The following KRIT1 variants were observed in gnomAD, a reference collection of about 807,000 sequenced individuals.
The protein encoded by KRIT1 is KRIT1 ankyrin repeat containing, also known as krev interaction trapped protein 1.
A neutral mutation model predicts 95.8 loss-of-function variants in KRIT1; 45 were observed. That is an observed-to-expected ratio of 0.47 (90% CI 0.37 to 0.60). KRIT1 has a LOEUF of 0.60. KRIT1 is among the 20% of genes least tolerant of loss of function. KRIT1 has a pLI of 0.00. For synonymous variants in KRIT1, 282 were observed against 278.8 expected (o/e 1.01, Z -0.11); for missense variants, 788 against 877.5 (o/e 0.90, Z 1.29).
At chr7:92,225,013 C>A (rs112771816) in intron 12 of KRIT1, among the ~76,000 whole-genome samples, 1 of 151,506 alleles carries the variant, frequency 6.6e-6, no homozygotes, top group Non-Finnish European at 1.5e-5. Flanking sequence ...AAAAATTAGC[C>A]GGGCGTGGTG....
chr7:92,230,120 T>A (rs965500567), intron 10 of KRIT1, among the ~76,000 whole-genome samples: 1 of 152,178 alleles, frequency 6.6e-6, no homozygotes, highest in African/African-American at 2.4e-5. Flanking sequence ...TGCTTTAAAA[T>A]TTCCCAGCTA....
rs1789855697 is a variant in KRIT1 at position 92,200,245 on chromosome 7, G to A, written c.*491C>T. 1.9e-5 allele frequency: 3 copies of A among 158,072 alleles called. No homozygotes were observed. The highest frequency in any genetic ancestry group is 1.8e-4 in the Admixed American group (3 of 16,462). 9.8% of individuals were successfully genotyped at this position (158,072 alleles called of 1,614,324 possible). A position where few individuals can be genotyped will look rare whatever the true frequency, so the allele number is the denominator to read the frequency against. On this transcript the variant is annotated 3_prime_UTR_variant, in exon 19 of 19. Transcript: ENST00000394505. ...TCTCAAAAATTAGAATAGCTTATGAGGATATTATATAAAACTAATTGGTAT... is the reference window on the plus strand; with the variant it reads ...TCTCAAAAATTAGAATAGCTTATGAAGATATTATATAAAACTAATTGGTAT...
At position 92,222,802 on chromosome 7, in the gene KRIT1, C is replaced by T. The variant is rs368080205; in HGVS notation, c.1411+20G>A. ...AAAGGAATAATGAGGTTTACTATAA[C>T]ATAATAAAAACTTTCTTACTGAGGT... On this transcript the variant is annotated intron_variant, in intron 13 of 18. Coordinates refer to ENST00000394505, the MANE Select transcript of KRIT1 (RefSeq NM_194454.3). 1.3e-6 allele frequency: 2 copies of T among 1,483,034 alleles called. No homozygotes were observed. The highest frequency in any genetic ancestry group is 2.8e-5 in the African/African-American group (2 of 72,400). The allele number at this position is 1,483,034 out of a possible 1,614,324, so 91.9% of individuals were successfully genotyped here.
intron 14 of KRIT1, among the ~76,000 whole-genome samples, chr7:92,215,992 G>A (rs1793894047): frequency 6.6e-6 from 1 of 152,028 alleles, no homozygotes; most frequent in African/African-American, 2.4e-5. Flanking sequence ...CACTTTGGGA[G>A]GCCGAGGTGG....
intron 14 of KRIT1, among the ~76,000 whole-genome samples, chr7:92,219,356 G>A (rs1173054562): frequency 2.0e-5 from 3 of 152,114 alleles, no homozygotes; most frequent in Non-Finnish European, 2.9e-5. Flanking sequence ...CTTTTGCAAT[G>A]TGAACTTACA....
At chr7:92,216,012 G>A (rs546996154) in intron 14 of KRIT1, among the ~76,000 whole-genome samples, 4 of 151,964 alleles carry the variant, frequency 2.6e-5, no homozygotes, top group Non-Finnish European at 4.4e-5. Flanking sequence ...GGCGGATCAC[G>A]AGGCCAGGAG....
At chr7:92,205,353 A>G (rs1270661116) in intron 17 of KRIT1, among the ~76,000 whole-genome samples, 1 of 152,176 alleles carries the variant, frequency 6.6e-6, no homozygotes, top group African/African-American at 2.4e-5. Context: ...CTCAACAACA[A>G]CAACAACAAA....
At chr7:92,239,458 T>C (rs1243101927) in intron 5 of KRIT1, among the ~76,000 whole-genome samples, 1 of 152,110 alleles carries the variant, frequency 6.6e-6, no homozygotes, top group Non-Finnish European at 1.5e-5. Context: ...AATCTGGCAT[T>C]AGTAAAATAA....
chr7:92,225,624 A>T, intron 12 of KRIT1, 96 bp downstream of exon 12: 1 of 766,306 alleles, frequency 1.3e-6, no homozygotes, highest in Non-Finnish European at 2.3e-6. Flanking sequence ...TAAAGAAGCC[A>T]TCTAATCGTC....
chr7:92,216,727 G>C (rs1431195176), intron 14 of KRIT1, among the ~76,000 whole-genome samples: 2 of 152,154 alleles, frequency 1.3e-5, no homozygotes, highest in Non-Finnish European at 2.9e-5. Flanking sequence ...GGTGTAAACT[G>C]TATTACTTTT....
chr7:92,242,740 C>T (rs1024522152), intron 3 of KRIT1, among the ~76,000 whole-genome samples: 17 of 152,218 alleles, frequency 1.1e-4, no homozygotes, highest in African/African-American at 3.9e-4. Flanking sequence ...ACTATTTGGT[C>T]AGTTGATAAA....
In KRIT1 at chr7:92,245,102, T is replaced by C. The variant is rs1057394651; in HGVS notation, c.-351A>G. On this transcript the variant is annotated 5_prime_UTR_variant, in exon 2 of 19. Transcript: ENST00000394505. ...AAAATAATGAGGCTGAGATCCTGAG[T>C]TGGACCACCGAGATGAAAGACTTCT... is the stretch of plus-strand genomic sequence containing the variant. The C allele has an allele frequency of 1.7e-4, 13 of 77,362 alleles. No individual in the cohort carries two copies. Among genetic ancestry groups the C allele is most frequent in the Admixed American group, 2.5e-4 (2 of 7,992 alleles). 4.8% of individuals were successfully genotyped at this position (77,362 alleles called of 1,614,324 possible). A position where few individuals can be genotyped will look rare whatever the true frequency, so the allele number is the denominator to read the frequency against.
chr7:92,224,492 T>C (rs1795813271), intron 12 of KRIT1, among the ~76,000 whole-genome samples: 1 of 152,090 alleles, frequency 6.6e-6, no homozygotes, highest in Non-Finnish European at 1.5e-5. Context: ...AATAATTAAA[T>C]TAATAATTTT....
At position 92,233,693 on chromosome 7, in the gene KRIT1, C is replaced by A. The variant is rs532104641; in HGVS notation, c.989+756G>T. 8.5e-5 allele frequency among the ~76,000 whole-genome samples: 13 copies of A among 152,350 alleles called. No individual in the cohort carries two copies. In the East Asian group the frequency reaches 2.3e-3, roughly 27 times the overall value. On this transcript the variant is annotated intron_variant, in intron 10 of 18. Transcript: ENST00000394505. ...GTGCTGGGATTACAGGTGTGAGCCACTGCACCTGGCCGGTACCTCTTAAAT... is the reference window on the plus strand; with the variant it reads ...GTGCTGGGATTACAGGTGTGAGCCAATGCACCTGGCCGGTACCTCTTAAAT...
intron 17 of KRIT1, among the ~76,000 whole-genome samples, chr7:92,209,889 C>G (rs575653214): frequency 6.6e-6 from 1 of 152,002 alleles, no homozygotes; most frequent in South Asian, 2.1e-4. Context: ...ATAGTGAAAC[C>G]CTGTCTCTAC....
At chr7:92,235,328 T>G in intron 8 of KRIT1, 75 bp downstream of exon 8, 1 of 1,418,098 alleles carries the variant, frequency 7.1e-7, no homozygotes, top group Non-Finnish European at 9.9e-7. Flanking sequence ...AATAGATGTA[T>G]ATATCTCAGG....
At chr7:92,204,264 GAA>G (rs763023957) in intron 17 of KRIT1, among the ~76,000 whole-genome samples, 7 of 134,724 alleles carry the variant, frequency 5.2e-5, no homozygotes, top group African/African-American at 2.7e-5. Flanking sequence ...GTGTCCCAAG[GAA>G]AAAAAAAAAA....
intron 3 of KRIT1, 89 bp downstream of exon 3, chr7:92,243,913 T>C (rs774335322): frequency 3.9e-5 from 6 of 152,182 alleles, no homozygotes; most frequent in Non-Finnish European, 8.8e-5. Context: ...TGTGAAAGGT[T>C]TTGAGGACGT....
At chr7:92,222,222 GCTT>G (rs1459608578) in intron 13 of KRIT1, among the ~76,000 whole-genome samples, 169 bp from the exon 14 acceptor site, 8 of 151,974 alleles carry the variant, frequency 5.3e-5, no homozygotes, top group African/African-American at 1.9e-4. Flanking sequence ...GTGGTTAACT[GCTT>G]ATTATCAAGA....
Sources: gnomAD v4.1 joint callset for allele counts (sites outside exome capture counted in the v4.1 genomes callset) on GRCh38, gnomAD v4.1.1 for gene constraint, MANE v1.5 for transcripts, NCBI Gene and HGNC (gene_info 2026-07-23, HGNC 2026-07-21) for gene names.